DECR1: variants seen among roughly 807,000 people sequenced by gnomAD.
DECR1 encodes the protein 2,4-dienoyl-CoA reductase [(3E)-enoyl-CoA-producing], mitochondrial.
A neutral mutation model predicts 38.8 loss-of-function variants in DECR1; 44 were observed. That is an observed-to-expected ratio of 1.13 (90% confidence interval 0.89 to 1.46). DECR1 has a LOEUF of 1.46. Ranked by LOEUF, DECR1 falls within the 40% of genes most tolerant of loss-of-function variation. DECR1 has a pLI of 0.00. For synonymous variants in DECR1, 148 were observed against 135.2 expected, an observed-to-expected ratio of 1.09 and a Z score of -0.66; for missense variants, 428 against 405.5, an observed-to-expected ratio of 1.06 and a Z score of -0.48.
intron 8 of DECR1, 83 bp from the exon 9 acceptor site, chr8:90,051,594 C>T (rs1324315689): frequency 2.9e-6 from 3 of 1,047,586 alleles, no homozygotes; most frequent in Non-Finnish European, 4.3e-6. Flanking sequence ...ATATTCCATC[C>T]AATTAGTATG....
intron 8 of DECR1, among the ~76,000 whole-genome samples, chr8:90,047,326 G>A (rs1273218524): frequency 2.0e-5 from 3 of 151,972 alleles, no homozygotes; most frequent in Admixed American, 2.0e-4. Context: ...CAAAATAAAG[G>A]CATGGAGGAA....
intron 6 of DECR1, among the ~76,000 whole-genome samples, chr8:90,038,517 G>A (rs1325271212): frequency 1.4e-5 from 2 of 138,118 alleles, no homozygotes; most frequent in Admixed American, 7.6e-5. Flanking sequence ...GGAGTGCAAT[G>A]GTGCCATCTT....
chr8:90,024,082 G>A (rs1168282978), intron 5 of DECR1, among the ~76,000 whole-genome samples: 1 of 152,182 alleles, frequency 6.6e-6, no homozygotes, highest in East Asian at 1.9e-4. Flanking sequence ...ATTCCATGGT[G>A]TATATGTGCC....
Position 90,017,419 on chromosome 8 carries a change from T to G in DECR1, c.272+93T>G, listed in dbSNP as rs902812905. 9 of 859,832 alleles carry G rather than the reference T, an allele frequency of 1.0e-5. No individual in the cohort carries two copies. The African/African-American group carries it at 1.5e-4, about 15-fold the overall frequency. 53.3% of individuals were successfully genotyped at this position (859,832 alleles called of 1,614,324 possible). The stretch of plus-strand genomic sequence containing the variant: ...AACACTGTTCGCCAGAGTTGTTTGA[T>G]TAGCATCTTAATCTTATATGAAATA... On this transcript the variant is annotated intron_variant, in intron 2 of 9. Coordinates refer to ENST00000220764, the MANE Select transcript of DECR1 (RefSeq NM_001359.2).
rs763777845 is a variant in DECR1 at position 90,018,933 on chromosome 8, C to T, written c.297C>T (p.Thr99=). The T allele has an allele frequency of 9.7e-5, 155 of 1,593,572 alleles. No individual in the cohort carries two copies. Among genetic ancestry groups the T allele is most frequent in the Admixed American group, 3.2e-4 (19 of 58,708 alleles). The change falls in exon 3 of 10, where the codon ACC becomes ACT. Residue 99 remains threonine (T), a synonymous_variant. Coordinates refer to ENST00000220764, the MANE Select transcript of DECR1 (RefSeq NM_001359.2). ...ASRKMDVLKA[T]AEQISSQTGN... ...GGAAGATGGATGTTTTGAAAGCTAC[C>T]GCAGAACAAATTTCTTCTCAAACTG...
At chr8:90,048,854 C>T (rs187545945) in intron 8 of DECR1, among the ~76,000 whole-genome samples, 1 of 152,198 alleles carries the variant, frequency 6.6e-6, no homozygotes, top group African/African-American at 2.4e-5. Context: ...ATCAAGTGGG[C>T]CTCATCCCTG....
At chr8:90,021,246 T>G (rs1478511171) in intron 5 of DECR1, among the ~76,000 whole-genome samples, 190 bp downstream of exon 5, 5 of 152,196 alleles carry the variant, frequency 3.3e-5, no homozygotes, top group Non-Finnish European at 5.9e-5. Context: ...ATGTTTCAAG[T>G]GCATTGGCAA....
At chr8:90,037,259 CTACA>C (rs2130129057) in intron 6 of DECR1, among the ~76,000 whole-genome samples, 1 of 152,182 alleles carries the variant, frequency 6.6e-6, no homozygotes, top group East Asian at 1.9e-4. Flanking sequence ...TGGCTAGTGG[CTACA>C]TATTAGACAC....
At chr8:90,039,619 C>T (rs1181227515) in intron 6 of DECR1, among the ~76,000 whole-genome samples, 1 of 152,198 alleles carries the variant, frequency 6.6e-6, no homozygotes, top group Non-Finnish European at 1.5e-5. Flanking sequence ...CTCAGCTCCT[C>T]CTTTCCCCTG....
chr8:90,015,045 AATT>A (rs1176820653), intron 1 of DECR1, among the ~76,000 whole-genome samples: 2 of 152,188 alleles, frequency 1.3e-5, no homozygotes, highest in African/African-American at 4.8e-5. Context: ...ATGTATCTTC[AATT>A]ATTTTATACA....
Position 90,051,980 on chromosome 8 carries a change from C to G in DECR1, c.*83C>G. 8.3e-7 allele frequency: 1 copy of G among 1,203,380 alleles called. No individual in the cohort carries two copies. Among genetic ancestry groups the G allele is most frequent in the Admixed American group, 1.9e-5 (1 of 52,732 alleles). The allele number at this position is 1,203,380 out of a possible 1,614,324, so 74.5% of individuals were successfully genotyped here. ...CTCTCATCTTTTGACTATTTCAAGT[C>G]TAATAAATTCTTAATTAACAAACAT... On this transcript the variant is annotated 3_prime_UTR_variant, in exon 10 of 10. Coordinates refer to ENST00000220764, the MANE Select transcript of DECR1 (RefSeq NM_001359.2).
chr8:90,001,874 T>C (rs1450670937), intron 1 of DECR1, among the ~76,000 whole-genome samples: 2 of 147,716 alleles, frequency 1.4e-5, no homozygotes. Context: ...ACAGGACGTC[T>C]CGGGGCGCAA....
Position 90,044,996 on chromosome 8 carries a change from G to T in DECR1, c.885+1G>T. On this transcript the variant is annotated splice_donor_variant, in intron 8 of 9. Coordinates refer to ENST00000220764, the MANE Select transcript of DECR1 (RefSeq NM_001359.2). LOFTEE classifies it high-confidence loss of function. ...TTATGCTTCTTGGATTAATGGAGCA[G>T]TAAGCGTTGTTTATTTCTCTTCACT... The T allele has an allele frequency of 6.2e-7, 1 of 1,613,608 alleles. No homozygotes were observed. The highest frequency in any genetic ancestry group is 1.1e-5 in the South Asian group (1 of 91,018).
intron 8 of DECR1, among the ~76,000 whole-genome samples, chr8:90,049,226 GA>G (rs1158266305): frequency 3.3e-5 from 5 of 152,174 alleles, no homozygotes; most frequent in African/African-American, 1.2e-4. Context: ...TAGGAAAAGA[GA>G]AAGTCAAATT....
At chr8:90,046,770 T>A (rs971463923) in intron 8 of DECR1, among the ~76,000 whole-genome samples, 3 of 152,130 alleles carry the variant, frequency 2.0e-5, no homozygotes, top group African/African-American at 7.2e-5. Context: ...GAAAAAATGC[T>A]AAGGGCAGAC....
chr8:90,033,920 A>G (rs573831761), intron 5 of DECR1, among the ~76,000 whole-genome samples: 19 of 152,126 alleles, frequency 1.2e-4, no homozygotes, highest in Non-Finnish European at 1.2e-4. Context: ...TATAAGAATG[A>G]TACAGTTAGC....
At chr8:90,028,364 TA>T (rs1264094900) in intron 5 of DECR1, among the ~76,000 whole-genome samples, 1 of 152,174 alleles carries the variant, frequency 6.6e-6, no homozygotes, top group Admixed American at 6.6e-5. Flanking sequence ...TGTATCTAGA[TA>T]AAACTATTTT....
rs567668711 is a variant in DECR1 at position 90,034,533 on chromosome 8, C to T, written c.566-2308C>T. Among the ~76,000 whole-genome samples, 4 of 152,240 alleles carry T rather than the reference C, an allele frequency of 2.6e-5. No individual in the cohort carries two copies. The South Asian group carries it at 8.3e-4, about 32-fold the overall frequency. On this transcript the variant is annotated intron_variant, in intron 5 of 9. Coordinates refer to ENST00000220764, the MANE Select transcript of DECR1 (RefSeq NM_001359.2). ...CTGGCATCATCTCGGCTCACTGCAT[C>T]CTCTGCCTCCTGGGTTCAAGTGATT...
chr8:90,020,014 T>C (rs1189440069), intron 4 of DECR1, among the ~76,000 whole-genome samples: 3 of 152,192 alleles, frequency 2.0e-5, no homozygotes, highest in Admixed American at 6.5e-5. Context: ...TCTTCCTCAG[T>C]GGAGGAGAAC....
Sources: allele counts gnomAD v4.1 joint callset (sites outside exome capture counted in the v4.1 genomes callset), GRCh38; gene constraint gnomAD v4.1.1; transcripts MANE v1.5; gene names NCBI Gene and HGNC (gene_info 2026-07-23, HGNC 2026-07-21).